The following CHL1 variants were observed in gnomAD, a reference collection of about 807,000 sequenced individuals.
CHL1 encodes the protein cell adhesion molecule L1 like.
In CHL1, 96 loss-of-function variants were observed where a neutral mutation model predicts 141.9. The observed-to-expected ratio is 0.68, with a 90% CI of 0.57 to 0.80. The LOEUF is 0.80. CHL1 is among the 30% of genes least tolerant of loss of function. CHL1 has a pLI of 0.00. For missense variants in CHL1, 1,820 were observed against 1,457.2 expected (o/e 1.25, Z -4.05); for synonymous variants, 613 against 502.2 (o/e 1.22, Z -2.95).
Position 220,343 on chromosome 3 carries a change from C to T in CHL1, c.-175+23280C>T, listed in dbSNP as rs73090616. On this transcript the variant is annotated intron_variant, in intron 1 of 27. Transcript: ENST00000256509. ...GTGAAGTCAGGAGTGGTGGTATGCA[C>T]CTGTAGTTCCAGCTACTCAGGAGGC... Among the ~76,000 whole-genome samples, 1,463 of 152,174 alleles carry T rather than the reference C, an allele frequency of 9.6e-3. 19 individuals are homozygous for T. The highest frequency in any genetic ancestry group is 0.034 in the African/African-American group (1,399 of 41,476).
intron 1 of CHL1, among the ~76,000 whole-genome samples, chr3:202,928 A>T (rs1699085029): frequency 6.6e-6 from 1 of 152,202 alleles, no homozygotes; most frequent in South Asian, 2.1e-4. Flanking sequence ...CTACACTGAA[A>T]TTAAGTGATT....
At chr3:271,794 G>C (rs1695657926) in intron 2 of CHL1, among the ~76,000 whole-genome samples, 1 of 152,122 alleles carries the variant, frequency 6.6e-6, no homozygotes, top group African/African-American at 2.4e-5. Context: ...GATGAATGTG[G>C]GTAAGGATAT....
At chr3:335,818 G>A (rs967293572) in intron 5 of CHL1, among the ~76,000 whole-genome samples, 1 of 152,160 alleles carries the variant, frequency 6.6e-6, no homozygotes, top group Non-Finnish European at 1.5e-5. Context: ...TTGAGATGCA[G>A]GCTATGGAGA....
Position 313,259 on chromosome 3 carries a change from C to G in CHL1, c.-94-6424C>G, listed in dbSNP as rs1026524414. On this transcript the variant is annotated intron_variant, in intron 2 of 27. Transcript: ENST00000256509. Reference sequence around the variant, plus strand: ...TATATTTTCTTCTTGGAAATTTGACCTAAAACTGTTTGTGAATAATTATTC... The same window carrying G: ...TATATTTTCTTCTTGGAAATTTGACGTAAAACTGTTTGTGAATAATTATTC... Among the ~76,000 whole-genome samples the G allele has an allele frequency of 2.6e-5, 4 of 152,010 alleles. No individual in the cohort carries two copies. In the South Asian group the frequency reaches 8.3e-4, roughly 32 times the overall value.
rs541958549 is a variant in CHL1, at chr3:243,890, G to C, written c.-174-723G>C. ...AAAAAAATGTTGACTTATTCCAATC[G>C]TTCTGATGCCTAATAGAAAGTAGAG... On this transcript the variant is annotated intron_variant, in intron 1 of 27. Transcript: ENST00000256509. Among the ~76,000 whole-genome samples, 21 of 152,260 alleles carry C rather than the reference G, an allele frequency of 1.4e-4. No homozygotes were observed. In the South Asian group the frequency reaches 4.3e-3, roughly 32 times the overall value.
chr3:329,240 G>A (rs1701257512), intron 5 of CHL1, among the ~76,000 whole-genome samples: 2 of 151,970 alleles, frequency 1.3e-5, no homozygotes, highest in Admixed American at 6.6e-5. Context: ...AAAACTGTCA[G>A]CCAGCTTCTA....
Position 366,915 on chromosome 3 carries a change from T to A in CHL1, c.1751+800T>A, listed in dbSNP as rs1438906764. 2.0e-5 allele frequency among the ~76,000 whole-genome samples: 3 copies of A among 152,342 alleles called. No individual in the cohort carries two copies. The South Asian group carries it at 6.2e-4, about 32-fold the overall frequency. ...CTGGCCCAGAGAAGATGGCATCCAT[T>A]TTCCTTCTACTTTTCAATCTCACAT... On this transcript the variant is annotated intron_variant, in intron 15 of 27. Coordinates refer to ENST00000256509, the MANE Select transcript of CHL1 (RefSeq NM_006614.4).
chr3:362,026 G>GAGCC (rs1412771687), intron 13 of CHL1, among the ~76,000 whole-genome samples: 3 of 152,294 alleles, frequency 2.0e-5, no homozygotes, highest in Admixed American at 1.3e-4. Flanking sequence ...GACATACAGA[G>GAGCC]AGCCACTTGT....
Position 343,028 on chromosome 3 carries a change from A to C in CHL1, c.724A>C (p.Lys242Gln), listed in dbSNP as rs752357981. Reference sequence around the variant, plus strand: ...AAGTTCATCCACAGAAATTGGTTCCAAGGGTAAGTTGAACCCATGTGGAGT... The same window carrying C: ...AAGTTCATCCACAGAAATTGGTTCCCAGGGTAAGTTGAACCCATGTGGAGT... ...DSSSSTEIGS[K>Q]ANSIKQRKPK... Residue 242 changes from lysine (K) to glutamine (Q), a missense_variant, in exon 8 of 28, where the codon AAG (lysine) becomes CAG (glutamine). Coordinates refer to ENST00000256509, the MANE Select transcript of CHL1 (RefSeq NM_006614.4). 1 of 1,607,668 alleles carries C rather than the reference A, an allele frequency of 6.2e-7. No individual in the cohort carries two copies. The highest frequency in any genetic ancestry group is 1.1e-5 in the South Asian group (1 of 89,862).
intron 2 of CHL1, among the ~76,000 whole-genome samples, chr3:267,286 G>A (rs1404126180): frequency 6.6e-6 from 1 of 152,116 alleles, no homozygotes; most frequent in Non-Finnish European, 1.5e-5. Flanking sequence ...TCATTTCCCT[G>A]GTGACCTGTG....
At chr3:288,127 C>T (rs1347486520) in intron 2 of CHL1, among the ~76,000 whole-genome samples, 1 of 152,144 alleles carries the variant, frequency 6.6e-6, no homozygotes, top group Non-Finnish European at 1.5e-5. Context: ...ATATGTTCTC[C>T]TCAGAATACA....
chr3:252,321 A>C (rs1370286629), intron 2 of CHL1, among the ~76,000 whole-genome samples: 1 of 127,142 alleles, frequency 7.9e-6, no homozygotes, highest in Non-Finnish European at 1.6e-5. Context: ...TTAAACATTT[A>C]ATCTTTCTTT....
At chr3:220,249 A>G (rs894452564) in intron 1 of CHL1, among the ~76,000 whole-genome samples, 2 of 152,174 alleles carry the variant, frequency 1.3e-5, no homozygotes, top group African/African-American at 2.4e-5. Flanking sequence ...ATTGAATTGT[A>G]CCTTTACAAA....
At chr3:349,599 TG>T (rs1703072951) in intron 10 of CHL1, 56 bp downstream of exon 10, 13 of 1,416,304 alleles carry the variant, frequency 9.2e-6, no homozygotes, top group Non-Finnish European at 1.3e-5. Flanking sequence ...ACTGTATACA[TG>T]TAGTAGGCCT....
intron 1 of CHL1, among the ~76,000 whole-genome samples, chr3:226,755 C>T (rs1235700751): frequency 6.6e-6 from 1 of 151,878 alleles, no homozygotes; most frequent in African/African-American, 2.4e-5. Flanking sequence ...CCTGTAGTAC[C>T]TATATTTTTT....
At chr3:403,332 A>G (rs182058481) in intron 27 of CHL1, among the ~76,000 whole-genome samples, 8 of 152,178 alleles carry the variant, frequency 5.3e-5, no homozygotes, top group African/African-American at 1.9e-4. Flanking sequence ...CTTTTGTTGT[A>G]TTCTATAGGA....
chr3:303,784 G>A (rs1439761044), intron 2 of CHL1, among the ~76,000 whole-genome samples: 1 of 152,126 alleles, frequency 6.6e-6, no homozygotes, highest in East Asian at 1.9e-4. Context: ...GGTGAGAGAG[G>A]GCATCCTTGT....
intron 1 of CHL1, among the ~76,000 whole-genome samples, chr3:231,575 CTTTTTTTT>C (rs5845954): frequency 4.0e-5 from 4 of 100,566 alleles, no homozygotes; most frequent in Admixed American, 1.3e-4. Context: ...TTATTTCTTC[CTTTTTTTT>C]TTTTTTTTTT....
Position 322,672 on chromosome 3 carries a change from T to TATA in CHL1, c.91+2805_91+2806insATA, listed in dbSNP as rs1220334388. ...TATATATATATATATATATATATAA[T>TATA]TATATATATATATATAAAACGAATA... On this transcript the variant is annotated intron_variant, in intron 3 of 27. Transcript: ENST00000256509. 2.3e-5 allele frequency among the ~76,000 whole-genome samples: 3 copies of TATA among 127,860 alleles called. No homozygotes were observed. In the South Asian group the frequency reaches 7.1e-4, roughly 30 times the overall value. The allele number at this position is 127,860 out of a possible 152,430, so 83.9% of individuals were successfully genotyped here. A position where few individuals can be genotyped will look rare whatever the true frequency, so the allele number is the denominator to read the frequency against.
Sources: allele counts gnomAD v4.1 joint callset (sites outside exome capture counted in the v4.1 genomes callset), GRCh38; gene constraint gnomAD v4.1.1; transcripts MANE v1.5; gene names NCBI Gene and HGNC (gene_info 2026-07-23, HGNC 2026-07-21).